KCNB2: variants seen among roughly 807,000 people sequenced by gnomAD.
The protein encoded by KCNB2 is delayed rectifier potassium channel protein.
KCNB2 carries 15 observed loss-of-function variants against 61.5 expected under a neutral mutation model. The observed-to-expected ratio is 0.24, with a 90% confidence interval of 0.16 to 0.38. The LOEUF (loss-of-function observed/expected upper bound fraction) is 0.38, where lower values mean the gene tolerates loss of function less well. Among genes scored for constraint, KCNB2 ranks in the 10% least tolerant of loss-of-function variants. KCNB2 has a pLI of 1.00. For missense variants in KCNB2, 828 were observed against 1,125.2 expected (o/e 0.74, Z 3.78); for synonymous variants, 457 against 446.0 (o/e 1.02, Z -0.31).
At chr8:72,574,766 G>A (rs1243727807) in intron 2 of KCNB2, among the ~76,000 whole-genome samples, 1 of 152,108 alleles carries the variant, frequency 6.6e-6, no homozygotes, top group Non-Finnish European at 1.5e-5. Flanking sequence ...TACATCAACA[G>A]TATTTACATA....
chr8:72,675,009 CT>C (rs1806628140), intron 2 of KCNB2, among the ~76,000 whole-genome samples: 1 of 152,124 alleles, frequency 6.6e-6, no homozygotes, highest in Non-Finnish European at 1.5e-5. Flanking sequence ...TATGGTTTCA[CT>C]TTGCTGGAGG....
chr8:72,725,565 G>GTGTATA (rs1563571957), intron 2 of KCNB2, among the ~76,000 whole-genome samples: 6 of 47,968 alleles, frequency 1.3e-4, no homozygotes, highest in Admixed American at 2.5e-4. Flanking sequence ...ATGTATATAT[G>GTGTATA]TATATATATG....
intron 2 of KCNB2, among the ~76,000 whole-genome samples, chr8:72,715,547 G>C (rs947339175): frequency 6.6e-6 from 1 of 152,116 alleles, no homozygotes; most frequent in African/African-American, 2.4e-5. Context: ...TGAACAACCT[G>C]CTCCTGAATG....
rs186279092 is a variant in KCNB2, at chr8:72,561,710, T to C, written c.-93-5932T>C. ...TTACTTTTATATATATATATATATA[T>C]ATATATATATATATATATCTATATC... On this transcript the variant is annotated intron_variant, in intron 1 of 2. Coordinates refer to ENST00000523207, the MANE Select transcript of KCNB2 (RefSeq NM_004770.3). Among the ~76,000 whole-genome samples the C allele has an allele frequency of 5.5e-4, 12 of 21,774 alleles. No individual in the cohort carries two copies. The East Asian group carries it at 8.8e-3, about 16-fold the overall frequency. The allele number at this position is 21,774 out of a possible 152,430, so 14.3% of individuals were successfully genotyped here. A position where few individuals can be genotyped will look rare whatever the true frequency, so the allele number is the denominator to read the frequency against.
chr8:72,537,920 G>A (rs766372375), intron 1 of KCNB2, 35 bp downstream of exon 1: 2 of 152,392 alleles, frequency 1.3e-5, no homozygotes, highest in Non-Finnish European at 2.9e-5. Context: ...CCCCGAAGGG[G>A]GTCTTCCTTT....
intron 2 of KCNB2, among the ~76,000 whole-genome samples, chr8:72,698,202 A>G (rs571443191): frequency 6.6e-6 from 1 of 152,226 alleles, no homozygotes; most frequent in African/African-American, 2.4e-5. Context: ...GCATTTCTGT[A>G]TGCCAATAAT....
At chr8:72,754,031 A>T (rs1420701553) in intron 2 of KCNB2, among the ~76,000 whole-genome samples, 1 of 152,166 alleles carries the variant, frequency 6.6e-6, no homozygotes, top group African/African-American at 2.4e-5. Context: ...TCTCCCTGGG[A>T]AAGTACAAAG....
At chr8:72,928,047 G>C (rs1040084870) in intron 2 of KCNB2, among the ~76,000 whole-genome samples, 1 of 152,108 alleles carries the variant, frequency 6.6e-6, no homozygotes, top group Non-Finnish European at 1.5e-5. Context: ...AATCTGAATA[G>C]AGCCATAAAT....
chr8:72,764,357 T>C (rs1041228088), intron 2 of KCNB2, among the ~76,000 whole-genome samples: 25 of 151,212 alleles, frequency 1.7e-4, no homozygotes, highest in African/African-American at 5.6e-4. Flanking sequence ...CACAAAGAGG[T>C]TGGAGATGTA....
chr8:72,826,673 G>C (rs1207812504), intron 2 of KCNB2, among the ~76,000 whole-genome samples: 2 of 152,194 alleles, frequency 1.3e-5, no homozygotes, highest in African/African-American at 2.4e-5. Context: ...AGGTTGAATG[G>C]AGGCGGGGAT....
At chr8:72,864,818 A>T (rs1805486579) in intron 2 of KCNB2, among the ~76,000 whole-genome samples, 1 of 152,200 alleles carries the variant, frequency 6.6e-6, no homozygotes, top group Non-Finnish European at 1.5e-5. Context: ...AAGGAATAGG[A>T]ATTGCTGCCG....
chr8:72,724,740 T>A, intron 2 of KCNB2, among the ~76,000 whole-genome samples: 1 of 152,206 alleles, frequency 6.6e-6, no homozygotes, highest in East Asian at 1.9e-4. Flanking sequence ...TTTTTCTTGC[T>A]AATTCTGGTA....
At chr8:72,915,361 G>A in intron 2 of KCNB2, among the ~76,000 whole-genome samples, 1 of 152,122 alleles carries the variant, frequency 6.6e-6, no homozygotes, top group Non-Finnish European at 1.5e-5. Flanking sequence ...AAGACTGGAG[G>A]CACTTGAACC....
intron 2 of KCNB2, among the ~76,000 whole-genome samples, chr8:72,923,305 G>A (rs924790385): frequency 6.6e-6 from 1 of 152,088 alleles, no homozygotes; most frequent in African/African-American, 2.4e-5. Context: ...AAATGGAAAG[G>A]AATTCTCTAC....
intron 2 of KCNB2, among the ~76,000 whole-genome samples, chr8:72,857,766 G>T (rs954474981): frequency 6.6e-6 from 1 of 152,150 alleles, no homozygotes; most frequent in African/African-American, 2.4e-5. Flanking sequence ...TTGGAAAGGC[G>T]ATCCACTCAT....
At chr8:72,897,093 T>C (rs559108221) in intron 2 of KCNB2, among the ~76,000 whole-genome samples, 1 of 152,236 alleles carries the variant, frequency 6.6e-6, no homozygotes, top group South Asian at 2.1e-4. Flanking sequence ...ATTCCATCAT[T>C]ACAATGTAGG....
intron 2 of KCNB2, among the ~76,000 whole-genome samples, chr8:72,620,915 C>T (rs1025424213): frequency 7.2e-5 from 11 of 152,120 alleles, no homozygotes; most frequent in East Asian, 1.9e-4. Context: ...GCCAGTACTA[C>T]GTTTTAGATA....
chr8:72,916,796 T>C (rs1806410214), intron 2 of KCNB2, among the ~76,000 whole-genome samples: 1 of 152,156 alleles, frequency 6.6e-6, no homozygotes, highest in African/African-American at 2.4e-5. Context: ...AGTTTGGCCA[T>C]CCCCAGCCAC....
At chr8:72,869,599 A>T (rs900970104) in intron 2 of KCNB2, among the ~76,000 whole-genome samples, 14 of 152,216 alleles carry the variant, frequency 9.2e-5, no homozygotes, top group African/African-American at 3.4e-4. Flanking sequence ...TATATTAAAG[A>T]TGCTCAACAT....
Sources: allele counts gnomAD v4.1 joint callset (sites outside exome capture counted in the v4.1 genomes callset), GRCh38; gene constraint gnomAD v4.1.1; transcripts MANE v1.5; gene names NCBI Gene and HGNC (gene_info 2026-07-23, HGNC 2026-07-21).